The following ABI3BP variants were observed in gnomAD, a reference collection of about 807,000 sequenced individuals.
ABI3BP encodes the protein ABI family member 3 binding protein.
ABI3BP carries 216 observed loss-of-function variants against 268.6 expected under a neutral mutation model. That is an observed-to-expected ratio of 0.80 (90% CI 0.72 to 0.90). ABI3BP has a LOEUF of 0.90. ABI3BP is among the 40% of genes least tolerant of loss of function. ABI3BP has a pLI of 0.00. For synonymous variants in ABI3BP, 730 were observed against 730.0 expected, an observed-to-expected ratio of 1.00 and a Z score of 0.00; for missense variants, 2,090 against 2,182.4, an observed-to-expected ratio of 0.96 and a Z score of 0.84.
rs1450284907 is a variant in ABI3BP, at chr3:100,840,094, T to C, written c.1875A>G (p.Pro625=). 7.4e-7 allele frequency: 1 copy of C among 1,347,430 alleles called. No individual in the cohort carries two copies. Among genetic ancestry groups the C allele is most frequent in the Non-Finnish European group, 9.7e-7 (1 of 1,027,234 alleles). The allele number at this position is 1,347,430 out of a possible 1,614,324, so 83.5% of individuals were successfully genotyped here. A position where few individuals can be genotyped will look rare whatever the true frequency, so the allele number is the denominator to read the frequency against. ...TACCGGGTTTGGACTTGGGCACTTCTGGACTAGGTGTGGTTTTAGGGCGGG... is the reference window on the plus strand; with the variant it reads ...TACCGGGTTTGGACTTGGGCACTTCCGGACTAGGTGTGGTTTTAGGGCGGG... ...PRPRPKTTPS[P]EVPKSKPALE... Residue 625 remains proline, a synonymous_variant, in exon 23 of 68, where the codon CCA becomes CCG. Transcript: ENST00000471714.
intron 1 of ABI3BP, among the ~76,000 whole-genome samples, chr3:100,943,427 A>G (rs1402679585): frequency 6.6e-6 from 1 of 152,144 alleles, no homozygotes; most frequent in Non-Finnish European, 1.5e-5. Flanking sequence ...TTTAGGTACA[A>G]TGAAATACAT....
chr3:100,918,098 C>T (rs1298538187), intron 2 of ABI3BP, among the ~76,000 whole-genome samples: 4 of 152,058 alleles, frequency 2.6e-5, no homozygotes, highest in Non-Finnish European at 5.9e-5. Context: ...ACTTTGGACT[C>T]ATCTTGAAGA....
At chr3:100,987,702 C>T (rs1229575974) in intron 1 of ABI3BP, among the ~76,000 whole-genome samples, 2 of 152,180 alleles carry the variant, frequency 1.3e-5, no homozygotes, top group South Asian at 4.1e-4. Context: ...AATTTTTATG[C>T]AGCAATAGAT....
At chr3:100,893,739 G>A (rs1180348042) in intron 4 of ABI3BP, among the ~76,000 whole-genome samples, 1 of 152,150 alleles carries the variant, frequency 6.6e-6, no homozygotes, top group Non-Finnish European at 1.5e-5. Context: ...ATCAACAGAA[G>A]GCTTTGTTTT....
intron 1 of ABI3BP, among the ~76,000 whole-genome samples, chr3:100,936,560 C>G (rs998941920): frequency 6.6e-6 from 1 of 151,996 alleles, no homozygotes; most frequent in Non-Finnish European, 1.5e-5. Context: ...GGTACCAGCT[C>G]CTCTTTGTAC....
rs2098520308 is a variant in ABI3BP at position 100,833,119 on chromosome 3, C to A, written c.2314+6G>T. On this transcript the variant is annotated splice_donor_region_variant and intron_variant, in intron 30 of 67. Coordinates refer to ENST00000471714, the MANE Select transcript of ABI3BP (RefSeq NM_001375547.2). Reference sequence around the variant, plus strand: ...GGACTTGCTGAAGGACATAGAGAGTCATTACCTGAAGATGTCCCAGGAGTA... The same window carrying A: ...GGACTTGCTGAAGGACATAGAGAGTAATTACCTGAAGATGTCCCAGGAGTA... 2 of 1,534,216 alleles carry A rather than the reference C, an allele frequency of 1.3e-6. No individual in the cohort carries two copies. Among genetic ancestry groups the A allele is most frequent in the Non-Finnish European group, 1.7e-6 (2 of 1,145,752 alleles).
intron 57 of ABI3BP, 55 bp from the exon 58 acceptor site, chr3:100,780,264 A>G (rs774730102): frequency 3.2e-6 from 5 of 1,553,632 alleles, no homozygotes; most frequent in African/African-American, 1.4e-5. Context: ...GTTCCATGGA[A>G]ACTTGGTAGA....
intron 59 of ABI3BP, 48 bp downstream of exon 59, chr3:100,778,236 G>C: frequency 6.3e-7 from 1 of 1,584,694 alleles, no homozygotes; most frequent in Non-Finnish European, 8.7e-7. Context: ...ATGTTGGCTA[G>C]TAAAACCGAA....
intron 5 of ABI3BP, 62 bp from the exon 6 acceptor site, chr3:100,885,650 C>T (rs1437112104): frequency 1.9e-6 from 2 of 1,032,386 alleles, no homozygotes; most frequent in African/African-American, 3.2e-5. Flanking sequence ...TCAACTCTAG[C>T]TAATCATTAT....
chr3:100,916,935 G>A (rs2058778825), intron 2 of ABI3BP, among the ~76,000 whole-genome samples: 1 of 152,190 alleles, frequency 6.6e-6, no homozygotes, highest in Non-Finnish European at 1.5e-5. Context: ...CTAGGGTACT[G>A]TTGAAAGGGA....
chr3:100,862,940 C>T, intron 12 of ABI3BP, 31 bp from the exon 13 acceptor site: 2 of 1,467,822 alleles, frequency 1.4e-6, no homozygotes, highest in Non-Finnish European at 1.8e-6. Flanking sequence ...AAAGTTACGA[C>T]CTGAGGTGAA....
chr3:100,865,052 G>C, intron 10 of ABI3BP, 145 bp from the exon 11 acceptor site: 1 of 677,084 alleles, frequency 1.5e-6, no homozygotes, highest in Non-Finnish European at 2.5e-6. Flanking sequence ...AGAGCTCCTT[G>C]GCTTGTCTCA....
chr3:100,801,425 CAA>C (rs68171311), intron 51 of ABI3BP, among the ~76,000 whole-genome samples: 4 of 87,496 alleles, frequency 4.6e-5, no homozygotes, highest in Non-Finnish European at 7.4e-5. Flanking sequence ...GATATCCTGT[CAA>C]AAAAAAAAAA....
At chr3:100,933,623 A>G (rs55936420) in intron 1 of ABI3BP, among the ~76,000 whole-genome samples, 21,405 of 74,316 alleles carry the variant, frequency 0.29, 1,633 homozygotes, top group South Asian at 0.37. Flanking sequence ...ATTGGGAGAC[A>G]ATATTTGCAA....
intron 1 of ABI3BP, among the ~76,000 whole-genome samples, chr3:100,960,225 C>A (rs2078533966): frequency 6.6e-6 from 1 of 151,952 alleles, no homozygotes; most frequent in African/African-American, 2.4e-5. Context: ...AAGTAAAGAA[C>A]AAAGAATGAA....
chr3:100,911,658 T>C, intron 2 of ABI3BP: 1 of 732,216 alleles, frequency 1.4e-6, no homozygotes, highest in Non-Finnish European at 2.5e-6. Flanking sequence ...TACAGTTTTA[T>C]AACCTAGTTG....
At chr3:100,821,228 A>G (rs1440806004) in intron 38 of ABI3BP, 115 bp from the exon 39 acceptor site, 2 of 865,054 alleles carry the variant, frequency 2.3e-6, no homozygotes, top group Non-Finnish European at 3.5e-6. Flanking sequence ...TTATATAGCA[A>G]CCTTTAAAAA....
At chr3:100,863,831 C>A in intron 12 of ABI3BP, 171 bp downstream of exon 12, 39 of 541,572 alleles carry the variant, frequency 7.2e-5, no homozygotes, top group South Asian at 2.6e-4. Context: ...GAAAAACAAC[C>A]CAACCAAACA....
chr3:100,910,281 G>C (rs1044675689), intron 2 of ABI3BP, among the ~76,000 whole-genome samples: 1 of 152,076 alleles, frequency 6.6e-6, no homozygotes, highest in Non-Finnish European at 1.5e-5. Context: ...CAGGAGGAGG[G>C]ATGACATTAG....
Sources: gnomAD v4.1 joint callset for allele counts (sites outside exome capture counted in the v4.1 genomes callset) on GRCh38, gnomAD v4.1.1 for gene constraint, MANE v1.5 for transcripts, NCBI Gene and HGNC (gene_info 2026-07-23, HGNC 2026-07-21) for gene names.